Variants in VAV3 observed in about 807,000 individuals in gnomAD.
The protein encoded by VAV3 is vav guanine nucleotide exchange factor 3, also known as guanine nucleotide exchange factor VAV3.
A neutral mutation model predicts 131.2 loss-of-function variants in VAV3; 94 were observed. The ratio of observed to expected loss-of-function variants is 0.72; its 90% CI spans 0.61 to 0.85. The LOEUF (loss-of-function observed/expected upper bound fraction) is 0.85, where lower values mean the gene tolerates loss of function less well. VAV3 is among the 40% of genes least tolerant of loss of function. The pLI is 0.00. For missense variants in VAV3, 939 were observed against 1,002.7 expected, an observed-to-expected ratio of 0.94 and a Z score of 0.86; for synonymous variants, 349 against 342.0, an observed-to-expected ratio of 1.02 and a Z score of -0.22.
At chr1:107,801,898 T>C (rs1168284067) in intron 2 of VAV3, among the ~76,000 whole-genome samples, 2 of 152,116 alleles carry the variant, frequency 1.3e-5, no homozygotes, top group African/African-American at 4.8e-5. Context: ...TTTCCTTTTT[T>C]TGGTATGTGC....
At chr1:107,594,369 G>A (rs923026151) in intron 25 of VAV3, among the ~76,000 whole-genome samples, 2 of 151,980 alleles carry the variant, frequency 1.3e-5, no homozygotes, top group African/African-American at 4.8e-5. Flanking sequence ...ACGAATGAAT[G>A]AATAATTGAT....
At chr1:107,672,040 G>A (rs1385833381) in intron 19 of VAV3, 2 of 152,088 alleles carry the variant, frequency 1.3e-5, no homozygotes, top group African/African-American at 2.4e-5. Context: ...GGCCAAGGCG[G>A]GAGGATTACA....
chr1:107,850,970 GAA>G (rs1318371292), intron 2 of VAV3, among the ~76,000 whole-genome samples: 2 of 152,138 alleles, frequency 1.3e-5, no homozygotes, highest in Admixed American at 6.5e-5. Flanking sequence ...CTTGAAGGAA[GAA>G]AAGTTATCCT....
chr1:107,759,035 T>C (rs570906113), intron 10 of VAV3, among the ~76,000 whole-genome samples: 1 of 152,324 alleles, frequency 6.6e-6, no homozygotes, highest in African/African-American at 2.4e-5. Context: ...CCAGCTTCCC[T>C]ATACATAATT....
At position 107,693,954 on chromosome 1, in the gene VAV3, A is replaced by G. The variant is rs573434966; in HGVS notation, c.1706-5548T>C. Among the ~76,000 whole-genome samples, 5 of 152,242 alleles carry G rather than the reference A, an allele frequency of 3.3e-5. No homozygotes were observed. The South Asian group carries it at 1.0e-3, about 32-fold the overall frequency. On this transcript the variant is annotated intron_variant, in intron 17 of 26. Transcript: ENST00000370056. ...GCTTACTTCCAGGCTATGGGTCTGT[A>G]AGTCAGCAACCCTAGAACCCATGTG...
Position 107,631,251 on chromosome 1 carries a change from G to C in VAV3, c.1914+11368C>G, listed in dbSNP as rs1021661493. The stretch of plus-strand genomic sequence containing the variant: ...GTTATCATAATACATTTAAATATGA[G>C]TATTACAATTTTATCACTAAACCTT... On this transcript the variant is annotated intron_variant, in intron 20 of 26. Transcript: ENST00000370056. 1.5e-4 allele frequency among the ~76,000 whole-genome samples: 23 copies of C among 151,768 alleles called. 1 individual carries two copies. The South Asian group carries it at 3.7e-3, about 25-fold the overall frequency.
chr1:107,801,562 G>A (rs543360144), intron 2 of VAV3, among the ~76,000 whole-genome samples: 1 of 152,196 alleles, frequency 6.6e-6, no homozygotes, highest in South Asian at 2.1e-4. Flanking sequence ...GCTGAGTGTT[G>A]GCCAATCTCA....
intron 17 of VAV3, among the ~76,000 whole-genome samples, chr1:107,701,882 C>A (rs1660153966): frequency 6.6e-6 from 1 of 152,178 alleles, no homozygotes; most frequent in African/African-American, 2.4e-5. Context: ...GCACTTTGGT[C>A]AAAACCATTC....
At chr1:107,716,685 C>A (rs1228527984) in intron 15 of VAV3, among the ~76,000 whole-genome samples, 6 of 152,184 alleles carry the variant, frequency 3.9e-5, no homozygotes, top group Admixed American at 3.9e-4. Flanking sequence ...GGATATTGGT[C>A]TAAAATTCTT....
At chr1:107,668,231 T>A (rs1209821829) in intron 19 of VAV3, among the ~76,000 whole-genome samples, 1 of 152,182 alleles carries the variant, frequency 6.6e-6, no homozygotes, top group Admixed American at 6.6e-5. Flanking sequence ...AAATAAATCT[T>A]CTGATAAAGT....
intron 2 of VAV3, among the ~76,000 whole-genome samples, chr1:107,826,105 C>T (rs1571005977): frequency 6.6e-6 from 1 of 152,216 alleles, no homozygotes; most frequent in South Asian, 2.1e-4. Context: ...TTGTTATTGT[C>T]TTAAGGTTAG....
At chr1:107,693,318 C>A (rs1156697741) in intron 17 of VAV3, among the ~76,000 whole-genome samples, 1 of 152,170 alleles carries the variant, frequency 6.6e-6, no homozygotes, top group African/African-American at 2.4e-5. Context: ...AATCATCCAA[C>A]ATTCAAATTT....
At chr1:107,787,677 C>T (rs1666083128) in intron 2 of VAV3, among the ~76,000 whole-genome samples, 1 of 152,136 alleles carries the variant, frequency 6.6e-6, no homozygotes, top group Non-Finnish European at 1.5e-5. Flanking sequence ...TTCACTTGCA[C>T]CTTATTCTCT....
At chr1:107,718,147 A>C (rs1661236234) in intron 15 of VAV3, among the ~76,000 whole-genome samples, 1 of 152,204 alleles carries the variant, frequency 6.6e-6, no homozygotes, top group Admixed American at 6.5e-5. Context: ...AAACTGGCAC[A>C]AGACAGGGAT....
At chr1:107,785,640 G>A in intron 2 of VAV3, 1 of 1,129,070 alleles carries the variant, frequency 8.9e-7, no homozygotes, top group South Asian at 2.0e-5. Flanking sequence ...CAGAGCAAGT[G>A]CCCTGTGGGG....
intron 2 of VAV3, among the ~76,000 whole-genome samples, chr1:107,813,510 T>C (rs1667418212): frequency 6.6e-6 from 1 of 152,260 alleles, no homozygotes; most frequent in South Asian, 2.1e-4. Context: ...TACATTTTTA[T>C]GTATGTGATA....
intron 1 of VAV3, among the ~76,000 whole-genome samples, chr1:107,923,911 A>G (rs1396690404): frequency 6.6e-6 from 1 of 152,152 alleles, no homozygotes; most frequent in East Asian, 1.9e-4. Flanking sequence ...ATCAGGAAAC[A>G]GGCCCTTACC....
intron 24 of VAV3, among the ~76,000 whole-genome samples, chr1:107,598,797 G>A (rs1651601421): frequency 1.4e-5 from 1 of 71,976 alleles, no homozygotes; most frequent in African/African-American, 4.4e-5. Flanking sequence ...TGAGGTCTCT[G>A]GAATACACAC....
intron 9 of VAV3, among the ~76,000 whole-genome samples, chr1:107,761,161 G>A (rs1270042277): frequency 7.2e-5 from 11 of 152,154 alleles, no homozygotes; most frequent in Admixed American, 1.3e-4. Context: ...AGGCCGAGGC[G>A]GGCAGATCAC....
Sources: allele counts gnomAD v4.1 joint callset (sites outside exome capture counted in the v4.1 genomes callset), GRCh38; gene constraint gnomAD v4.1.1; transcripts MANE v1.5; gene names NCBI Gene and HGNC (gene_info 2026-07-23, HGNC 2026-07-21).